Variants in CFAP77 observed in about 807,000 individuals in gnomAD.
The protein encoded by CFAP77 is cilia and flagella associated protein 77.
CFAP77 carries 25 observed loss-of-function variants against 31.1 expected under a neutral mutation model. That is an observed-to-expected ratio of 0.80 (90% confidence interval 0.59 to 1.12). The LOEUF is 1.12. CFAP77 is among the 50% of genes most tolerant of loss of function. The pLI, the probability that CFAP77 is intolerant of heterozygous loss-of-function variation, is 0.00. For synonymous variants in CFAP77, 151 were observed against 159.9 expected (o/e 0.94, Z 0.42); for missense variants, 377 against 397.3 (o/e 0.95, Z 0.44).
At chr9:132,471,079 C>T (rs375303842) in intron 1 of CFAP77, among the ~76,000 whole-genome samples, 2 of 152,138 alleles carry the variant, frequency 1.3e-5, no homozygotes, top group Non-Finnish European at 2.9e-5. Flanking sequence ...CCTATAAGGA[C>T]GGTGGGCCCA....
At position 132,455,244 on chromosome 9, in the gene CFAP77, C is replaced by T. The variant is rs1850892017; in HGVS notation, c.196-43451C>T. 6.6e-6 allele frequency among the ~76,000 whole-genome samples: 1 copy of T among 152,140 alleles called. No homozygotes were observed. Among genetic ancestry groups the T allele is most frequent in the African/African-American group, 2.4e-5 (1 of 41,428 alleles). ...GGAACTGGCTGGGTGCTGTGGCTTA[C>T]ACCTGTAATCCCAGCACTTTGGGAG... is the stretch of plus-strand genomic sequence containing the variant. On this transcript the variant is annotated intron_variant, in intron 1 of 5. Coordinates refer to ENST00000393216, the MANE Select transcript of CFAP77 (RefSeq NM_001282957.2). This position sits in a 1 kb window ranked among gnomAD's most constrained non-coding sequence, Gnocchi z 4.1.
intron 5 of CFAP77, among the ~76,000 whole-genome samples, chr9:132,556,862 G>A (rs555312855): frequency 6.6e-6 from 1 of 152,108 alleles, no homozygotes; most frequent in African/African-American, 2.4e-5. Flanking sequence ...AGGCCCCTTT[G>A]GCGCTGGCTG....
At chr9:132,452,712 A>C (rs1241599134) in intron 1 of CFAP77, among the ~76,000 whole-genome samples, 1 of 152,156 alleles carries the variant, frequency 6.6e-6, no homozygotes, top group Non-Finnish European at 1.5e-5. Context: ...ATTGGATATA[A>C]AGAAGAGGTG....
Position 132,548,173 on chromosome 9 carries a change from C to T in CFAP77, c.732+5126C>T, listed in dbSNP as rs1054571208. On this transcript the variant is annotated intron_variant, in intron 5 of 5. Coordinates refer to ENST00000393216, the MANE Select transcript of CFAP77 (RefSeq NM_001282957.2). ...GCAAAAGAGTCCATGCCACGGGCCC[C>T]GCCTGGAGAGAAGCACCCGAGCATC... Among the ~76,000 whole-genome samples the T allele has an allele frequency of 3.3e-5, 5 of 151,138 alleles. 1 individual carries two copies. Among genetic ancestry groups the T allele is most frequent in the Non-Finnish European group, 1.5e-5 (1 of 67,866 alleles).
chr9:132,468,809 A>ACGCG (rs1554740243), intron 1 of CFAP77, among the ~76,000 whole-genome samples: 3 of 149,160 alleles, frequency 2.0e-5, no homozygotes, highest in Non-Finnish European at 3.0e-5. Flanking sequence ...ACACACACAC[A>ACGCG]CGCACGCACA....
chr9:132,434,700 C>G (rs1850472551), intron 1 of CFAP77, among the ~76,000 whole-genome samples: 1 of 152,054 alleles, frequency 6.6e-6, no homozygotes. Flanking sequence ...ATCACAACAA[C>G]CTGTGTGTTA....
In CFAP77 at chr9:132,458,346, GGA is replaced by G. The variant is rs1564210980; in HGVS notation, c.196-40347_196-40346del. Among the ~76,000 whole-genome samples, 524 of 137,584 alleles carry G rather than the reference GGA, an allele frequency of 3.8e-3. 8 individuals carry two copies. Among genetic ancestry groups the G allele is most frequent in the African/African-American group, 0.014 (485 of 35,826 alleles). The allele number at this position is 137,584 out of a possible 152,430, so 90.3% of individuals were successfully genotyped here. On this transcript the variant is annotated intron_variant, in intron 1 of 5. Transcript: ENST00000393216. ...TCTCCACCTTTGTCTCCCTGGCGGGGGAGGGGGGGGGGTGTGTATGGAAGGCT... is the reference window on the plus strand; with the variant it reads ...TCTCCACCTTTGTCTCCCTGGCGGGGGGGGGGGGGGTGTGTATGGAAGGCT...
At chr9:132,540,531 C>T (rs1852622916) in intron 4 of CFAP77, among the ~76,000 whole-genome samples, 1 of 152,088 alleles carries the variant, frequency 6.6e-6, no homozygotes, top group Non-Finnish European at 1.5e-5. Context: ...GGCTGAGGGC[C>T]CTATCACAAA....
At chr9:132,426,013 A>G (rs1263271798) in intron 1 of CFAP77, among the ~76,000 whole-genome samples, 2 of 152,210 alleles carry the variant, frequency 1.3e-5, no homozygotes, top group Admixed American at 1.3e-4. Context: ...GACTTGTTCA[A>G]TTGTTACCTG....
chr9:132,497,436 C>T lies in CFAP77; in HGVS notation c.196-1259C>T, dbSNP rs1045712293. ...CGGGAAATGTAACACCCTGTGACTTCGAAACCACCGCCTGTGGCCTGTGGC... is the reference window on the plus strand; with the variant it reads ...CGGGAAATGTAACACCCTGTGACTTTGAAACCACCGCCTGTGGCCTGTGGC... On this transcript the variant is annotated intron_variant, in intron 1 of 5. Transcript: ENST00000393216. The surrounding 1 kb of genome is among the most constrained non-coding windows in gnomAD (Gnocchi z 4.9). Among the ~76,000 whole-genome samples, 3 of 152,332 alleles carry T rather than the reference C, an allele frequency of 2.0e-5. No individual in the cohort carries two copies. Among genetic ancestry groups the T allele is most frequent in the East Asian group, 3.9e-4 (2 of 5,176 alleles).
intron 1 of CFAP77, among the ~76,000 whole-genome samples, chr9:132,483,239 C>A (rs961750721): frequency 1.3e-5 from 2 of 152,094 alleles, no homozygotes; most frequent in Non-Finnish European, 2.9e-5. Flanking sequence ...CCATTGCACT[C>A]CATCCTGGGC....
intron 1 of CFAP77, 88 bp downstream of exon 1, chr9:132,410,554 C>T (rs1849973601): frequency 8.3e-7 from 1 of 1,202,100 alleles, no homozygotes; most frequent in Non-Finnish European, 1.1e-6. Context: ...CGCCCTGGCC[C>T]CGCGGCCCGG....
intron 3 of CFAP77, among the ~76,000 whole-genome samples, chr9:132,523,318 A>G (rs1404529786): frequency 6.6e-6 from 1 of 151,908 alleles, no homozygotes; most frequent in East Asian, 1.9e-4. Flanking sequence ...GGAACTCCTG[A>G]CCTCAAGTGA....
chr9:132,415,171 C>T (rs1439487607), intron 1 of CFAP77, among the ~76,000 whole-genome samples: 1 of 152,166 alleles, frequency 6.6e-6, no homozygotes, highest in Non-Finnish European at 1.5e-5. Context: ...AAATGAGCTG[C>T]CCATCCTAAT....
chr9:132,437,161 T>C (rs1246288663), intron 1 of CFAP77, among the ~76,000 whole-genome samples: 1 of 152,218 alleles, frequency 6.6e-6, no homozygotes, highest in Admixed American at 6.5e-5. Flanking sequence ...CCTGTCATCA[T>C]GAGGCCTTCC....
intron 1 of CFAP77, among the ~76,000 whole-genome samples, chr9:132,421,395 T>C (rs1850213870): frequency 6.6e-6 from 1 of 152,162 alleles, no homozygotes; most frequent in Non-Finnish European, 1.5e-5. Flanking sequence ...GTTTATGCAA[T>C]TTTGGGATCC....
chr9:132,546,364 G>A (rs912736263), intron 5 of CFAP77, among the ~76,000 whole-genome samples: 2 of 152,146 alleles, frequency 1.3e-5, no homozygotes, highest in African/African-American at 2.4e-5. Context: ...TGGCTTTGCC[G>A]CTGATCTGCT....
intron 1 of CFAP77, among the ~76,000 whole-genome samples, chr9:132,459,771 T>G (rs1851012895): frequency 1.3e-5 from 2 of 151,434 alleles, no homozygotes; most frequent in Admixed American, 6.6e-5. Context: ...TGTATGAGTG[T>G]GTGTGAGAGC....
intron 1 of CFAP77, among the ~76,000 whole-genome samples, chr9:132,443,210 C>T (rs551197798): frequency 6.6e-6 from 1 of 151,512 alleles, no homozygotes; most frequent in East Asian, 1.9e-4. Flanking sequence ...CATTGAGGGG[C>T]ATTCATGCTC....
Sources: allele counts gnomAD v4.1 joint callset (sites outside exome capture counted in the v4.1 genomes callset), GRCh38; gene constraint gnomAD v4.1.1; non-coding constraint Gnocchi (gnomAD v3.1); transcripts MANE v1.5; gene names NCBI Gene and HGNC (gene_info 2026-07-23, HGNC 2026-07-21).